GMCL1: variants seen among roughly 807,000 people sequenced by gnomAD.
GMCL1 encodes germ cell-less protein-like 1.
A neutral mutation model predicts 75.5 loss-of-function variants in GMCL1; 54 were observed. The observed-to-expected ratio is 0.71, with a 90% CI of 0.57 to 0.90. The LOEUF (loss-of-function observed/expected upper bound fraction) is 0.90. GMCL1 is among the 40% of genes least tolerant of loss of function. The pLI, the probability that GMCL1 is intolerant of heterozygous loss-of-function variation, is 0.00. For missense variants in GMCL1, 537 were observed against 622.7 expected, an observed-to-expected ratio of 0.86 and a Z score of 1.47; for synonymous variants, 210 against 209.6, an observed-to-expected ratio of 1.00 and a Z score of -0.02.
At chr2:69,835,785 A>G (rs1674802605) in intron 1 of GMCL1, among the ~76,000 whole-genome samples, 1 of 152,200 alleles carries the variant, frequency 6.6e-6, no homozygotes, top group African/African-American at 2.4e-5. Flanking sequence ...AAAATACTCC[A>G]CATGCCTCTC....
In GMCL1 at chr2:69,881,335, A is replaced by G. The variant is rs544947968; in HGVS notation, c.*2331A>G. 6.6e-6 allele frequency: 1 copy of G among 152,370 alleles called. No individual in the cohort carries two copies. The highest frequency in any genetic ancestry group is 2.1e-4 in the South Asian group (1 of 4,830). The allele number at this position is 152,370 out of a possible 1,614,324, so 9.4% of individuals were successfully genotyped here. Reference sequence around the variant, plus strand: ...GTTTCCAGAGTTCTTTTCAATAGAAATATTTTCAATAAAGTGTTAATAGTG... The same window carrying G: ...GTTTCCAGAGTTCTTTTCAATAGAAGTATTTTCAATAAAGTGTTAATAGTG... On this transcript the variant is annotated 3_prime_UTR_variant, in exon 14 of 14. Coordinates refer to ENST00000282570, the MANE Select transcript of GMCL1 (RefSeq NM_178439.5).
In GMCL1 at chr2:69,880,363, T is replaced by G. The variant is rs1676246247; in HGVS notation, c.*1359T>G. 2.6e-5 allele frequency: 4 copies of G among 152,184 alleles called. No homozygotes were observed. Among genetic ancestry groups the G allele is most frequent in the Admixed American group, 2.0e-4 (3 of 15,288 alleles). The allele number at this position is 152,184 out of a possible 1,614,324, so 9.4% of individuals were successfully genotyped here. On this transcript the variant is annotated 3_prime_UTR_variant, in exon 14 of 14. Coordinates refer to ENST00000282570, the MANE Select transcript of GMCL1 (RefSeq NM_178439.5). Reference sequence around the variant, plus strand: ...CCCAACTCCTTTTAACTTTTGGAATTTATTAATAATTTTTTTCTTTTTTAA... The same window carrying G: ...CCCAACTCCTTTTAACTTTTGGAATGTATTAATAATTTTTTTCTTTTTTAA...
intron 1 of GMCL1, among the ~76,000 whole-genome samples, chr2:69,834,748 A>G (rs1674773441): frequency 6.6e-6 from 1 of 152,104 alleles, no homozygotes; most frequent in African/African-American, 2.4e-5. Context: ...AGACTCATAT[A>G]CTACCTTAGT....
At chr2:69,877,987 A>G (rs1676173134) in intron 13 of GMCL1, among the ~76,000 whole-genome samples, 1 of 152,230 alleles carries the variant, frequency 6.6e-6, no homozygotes, top group Non-Finnish European at 1.5e-5. Context: ...TTTAAAACGT[A>G]GGAATTCTCA....
chr2:69,849,304 G>C (rs1166907253), intron 7 of GMCL1, among the ~76,000 whole-genome samples: 1 of 152,042 alleles, frequency 6.6e-6, no homozygotes, highest in Non-Finnish European at 1.5e-5. Flanking sequence ...TGAGTAGCTG[G>C]GACTCCAGAT....
chr2:69,875,091 T>C (rs997704945), intron 13 of GMCL1, among the ~76,000 whole-genome samples: 4 of 152,194 alleles, frequency 2.6e-5, no homozygotes, highest in Non-Finnish European at 5.9e-5. Flanking sequence ...CAAAACAATC[T>C]ATCTTTTTCT....
chr2:69,860,620 TATG>T (rs1342159702), intron 9 of GMCL1, among the ~76,000 whole-genome samples: 2 of 152,186 alleles, frequency 1.3e-5, no homozygotes, highest in Non-Finnish European at 2.9e-5. Flanking sequence ...TAGTTTCAGA[TATG>T]ATTTTTACAA....
At chr2:69,849,822 A>AATT in intron 8 of GMCL1, 80 bp downstream of exon 8, 1 of 740,454 alleles carries the variant, frequency 1.4e-6, no homozygotes, top group Non-Finnish European at 2.1e-6. Context: ...GAAAATAAAT[A>AATT]AATTAATTAA....
chr2:69,829,969 G>A lies in GMCL1; in HGVS notation c.77G>A (p.Gly26Glu), dbSNP rs1355894647. 6.3e-7 allele frequency: 1 copy of A among 1,587,434 alleles called. No individual in the cohort carries two copies. Among genetic ancestry groups the A allele is most frequent in the African/African-American group, 1.3e-5 (1 of 74,508 alleles). The change falls in exon 1 of 14, where the codon GGG becomes GAG. Residue 26 changes from glycine (G) to glutamate (E), a missense_variant. Around this residue, in one of 3 missense-constraint regions of GMCL1, gnomAD observed 144 missense variants for 127.2 expected, o/e 1.13. Coordinates refer to ENST00000282570, the MANE Select transcript of GMCL1 (RefSeq NM_178439.5). ...LAQQAQGARA[G>E]GSARRPDTGD... ...CAGCAGGCGCAGGGTGCCAGGGCGG[G>A]GGGCTCGGCCCGGAGGCCGGACACT...
At chr2:69,867,780 G>A (rs1450361978) in intron 11 of GMCL1, among the ~76,000 whole-genome samples, 1 of 152,100 alleles carries the variant, frequency 6.6e-6, no homozygotes, top group Non-Finnish European at 1.5e-5. Context: ...ACTTGAATGT[G>A]GTAACCATGA....
chr2:69,844,260 G>A (rs527277272), intron 6 of GMCL1, 64 bp downstream of exon 6: 151 of 931,778 alleles, frequency 1.6e-4, no homozygotes, highest in Non-Finnish European at 2.4e-4. Flanking sequence ...ATTTGTTAAA[G>A]TACATAACAT....
Position 69,843,184 on chromosome 2 carries a change from G to A in GMCL1, c.615G>A (p.Lys205=), listed in dbSNP as rs751988390. Residue 205 remains lysine (K), a synonymous_variant, in exon 5 of 14, where the codon AAG becomes AAA. Transcript: ENST00000282570. ...GLIQQCGETM[K]ETVNVKTVCG... Reference sequence around the variant, plus strand: ...TACAGCAGTGTGGTGAGACAATGAAGGAAACAGTTAATGTGAAAACTGTAT... The same window carrying A: ...TACAGCAGTGTGGTGAGACAATGAAAGAAACAGTTAATGTGAAAACTGTAT... The A allele has an allele frequency of 1.9e-6, 3 of 1,611,548 alleles. No homozygotes were observed. The highest frequency in any genetic ancestry group is 1.3e-5 in the African/African-American group (1 of 74,910).
In GMCL1 at chr2:69,848,701, G is replaced by A. The variant is rs565196701; in HGVS notation, c.844-951G>A. ...CTGTTATTAAAACTGCTTTTTGCCA[G>A]TAATGGTAAGTACTAATACTTACAG... On this transcript the variant is annotated intron_variant, in intron 7 of 13. Coordinates refer to ENST00000282570, the MANE Select transcript of GMCL1 (RefSeq NM_178439.5). Among the ~76,000 whole-genome samples, 6 of 152,276 alleles carry A rather than the reference G, an allele frequency of 3.9e-5. No individual in the cohort carries two copies. The South Asian group carries it at 8.3e-4, about 21-fold the overall frequency.
chr2:69,866,627 T>G (rs1316444645), intron 11 of GMCL1, among the ~76,000 whole-genome samples: 3 of 152,004 alleles, frequency 2.0e-5, no homozygotes, highest in Non-Finnish European at 2.9e-5. Context: ...GCCAGCTAAT[T>G]TTATTTTTTT....
chr2:69,864,227 T>G (rs1207752653), intron 10 of GMCL1, among the ~76,000 whole-genome samples: 1 of 152,082 alleles, frequency 6.6e-6, no homozygotes, highest in African/African-American at 2.4e-5. Context: ...TTATGTATTA[T>G]ATATGCTATT....
chr2:69,871,996 A>G (rs1675995709), intron 13 of GMCL1, among the ~76,000 whole-genome samples, 164 bp downstream of exon 13: 1 of 152,246 alleles, frequency 6.6e-6, no homozygotes, highest in Admixed American at 6.5e-5. Flanking sequence ...TCACTTATGC[A>G]TAATTGACCC....
At chr2:69,867,473 C>G (rs1271441295) in intron 11 of GMCL1, among the ~76,000 whole-genome samples, 1 of 152,190 alleles carries the variant, frequency 6.6e-6, no homozygotes, top group Non-Finnish European at 1.5e-5. Context: ...CTCATTCTCT[C>G]TAGCACCTGG....
intron 5 of GMCL1, among the ~76,000 whole-genome samples, chr2:69,843,748 G>C (rs1043272441): frequency 6.6e-6 from 1 of 152,196 alleles, no homozygotes; most frequent in African/African-American, 2.4e-5. Flanking sequence ...CCGTGATCAT[G>C]CCACTGCACT....
At chr2:69,870,643 A>G (rs1327517444) in intron 12 of GMCL1, among the ~76,000 whole-genome samples, 1 of 152,124 alleles carries the variant, frequency 6.6e-6, no homozygotes, top group Non-Finnish European at 1.5e-5. Flanking sequence ...ATATATAGAA[A>G]ACTCCTACAA....
Sources: allele counts gnomAD v4.1 joint callset (sites outside exome capture counted in the v4.1 genomes callset), GRCh38; gene constraint gnomAD v4.1.1; regional missense constraint gnomAD v4.1.1; transcripts MANE v1.5; gene names NCBI Gene and HGNC (gene_info 2026-07-23, HGNC 2026-07-21).